Variants in SEH1L observed in about 807,000 individuals in gnomAD.
The protein encoded by SEH1L is nucleoporin SEH1.
A neutral mutation model predicts 49.5 loss-of-function variants in SEH1L; 18 were observed. The ratio of observed to expected loss-of-function variants is 0.36; its 90% CI spans 0.25 to 0.54. SEH1L has a LOEUF of 0.54. Among genes scored for constraint, SEH1L ranks in the 20% least tolerant of loss-of-function variants. SEH1L has a pLI of 0.87. For synonymous variants in SEH1L, 169 were observed against 178.1 expected, an observed-to-expected ratio of 0.95 and a Z score of 0.41; for missense variants, 404 against 528.8, an observed-to-expected ratio of 0.76 and a Z score of 2.31.
At chr18:12,957,101 T>C (rs2030910282) in intron 3 of SEH1L, among the ~76,000 whole-genome samples, 1 of 151,678 alleles carries the variant, frequency 6.6e-6, no homozygotes, top group Non-Finnish European at 1.5e-5. Context: ...ATTGTTTCTT[T>C]TGTTTTGTGG....
At chr18:12,957,203 A>C (rs1276217942) in intron 3 of SEH1L, among the ~76,000 whole-genome samples, 2 of 152,248 alleles carry the variant, frequency 1.3e-5, no homozygotes, top group African/African-American at 4.8e-5. Context: ...CAAAATGGAC[A>C]GATCACCTGA....
In SEH1L at chr18:12,951,842, T is replaced by C. The variant is rs781026373; in HGVS notation, c.112-13T>C. The C allele has an allele frequency of 6.5e-7, 1 of 1,533,370 alleles. No homozygotes were observed. The highest frequency in any genetic ancestry group is 8.9e-7 in the Non-Finnish European group (1 of 1,120,528). The allele number at this position is 1,533,370 out of a possible 1,614,324, so 95.0% of individuals were successfully genotyped here. On this transcript the variant is annotated splice_polypyrimidine_tract_variant and intron_variant, in intron 1 of 8. Transcript: ENST00000399892. Reference sequence around the variant, plus strand: ...ATTTTTGTATAAAATATCTGCCTTTTATTTTCTTATAGGTCTGGGATAAAA... The same window carrying C: ...ATTTTTGTATAAAATATCTGCCTTTCATTTTCTTATAGGTCTGGGATAAAA...
At chr18:12,962,454 C>CTTTT (rs2031223460) in intron 3 of SEH1L, among the ~76,000 whole-genome samples, 2 of 118,354 alleles carry the variant, frequency 1.7e-5, no homozygotes, top group East Asian at 3.2e-4. Context: ...AAATTGCATG[C>CTTTT]CTTTCTTTTT....
chr18:12,953,230 A>G (rs1410433442), intron 2 of SEH1L, among the ~76,000 whole-genome samples: 2 of 152,138 alleles, frequency 1.3e-5, no homozygotes, highest in Non-Finnish European at 2.9e-5. Context: ...AGTCCGTTGT[A>G]TGTATATTGC....
intron 3 of SEH1L, among the ~76,000 whole-genome samples, chr18:12,962,588 C>G (rs947911323): frequency 2.0e-5 from 3 of 149,824 alleles, no homozygotes; most frequent in Non-Finnish European, 3.0e-5. Flanking sequence ...CCGCCTCAGC[C>G]TCCGGAATAG....
At chr18:12,968,567 AC>A (rs2031551963) in intron 4 of SEH1L, among the ~76,000 whole-genome samples, 1 of 152,088 alleles carries the variant, frequency 6.6e-6, no homozygotes, top group African/African-American at 2.4e-5. Flanking sequence ...GGAATTTTCT[AC>A]TTACTGATGG....
rs1266255503 is a variant in SEH1L at position 12,969,382 on chromosome 18, C to T, written c.522-1771C>T. On this transcript the variant is annotated intron_variant, in intron 4 of 8. Transcript: ENST00000399892. ...CAGCCTGGGCAACATAGTGAGACTC[C>T]AGTCTCAATTAAAAAAAAAAATCTT... Among the ~76,000 whole-genome samples the T allele has an allele frequency of 2.0e-5, 3 of 151,468 alleles. No individual in the cohort carries two copies. The East Asian group carries it at 5.9e-4, about 30-fold the overall frequency.
At chr18:12,957,388 A>G (rs1398732459) in intron 3 of SEH1L, among the ~76,000 whole-genome samples, 5 of 152,016 alleles carry the variant, frequency 3.3e-5, no homozygotes, top group Admixed American at 6.6e-5. Flanking sequence ...AGATCGTGCC[A>G]TTGCACTCCA....
chr18:12,982,009 G>A (rs1022850344), intron 6 of SEH1L, among the ~76,000 whole-genome samples: 5 of 151,662 alleles, frequency 3.3e-5, no homozygotes, highest in African/African-American at 7.3e-5. Context: ...ACAGGCGCCC[G>A]CCACCATGCC....
chr18:12,982,872 G>A, intron 7 of SEH1L, 197 bp downstream of exon 7: 1 of 455,350 alleles, frequency 2.2e-6, no homozygotes, highest in South Asian at 3.6e-5. Flanking sequence ...AAGTTATGTG[G>A]AACAGAGCAG....
intron 1 of SEH1L, among the ~76,000 whole-genome samples, chr18:12,950,097 G>A (rs1222375515): frequency 6.7e-6 from 1 of 148,594 alleles, no homozygotes; most frequent in Non-Finnish European, 1.5e-5. Context: ...GCAGTGGTGC[G>A]ATCTTGGCTT....
Position 12,960,010 on chromosome 18 carries a change from C to T in SEH1L, c.310-3150C>T, listed in dbSNP as rs549419362. Among the ~76,000 whole-genome samples the T allele has an allele frequency of 9.2e-4, 140 of 152,244 alleles. 1 individual carries two copies. Among genetic ancestry groups the T allele is most frequent in the Admixed American group, 3.5e-3 (54 of 15,268 alleles). On this transcript the variant is annotated intron_variant, in intron 3 of 8. Transcript: ENST00000399892. Reference sequence around the variant, plus strand: ...GAAGCATTGGGTAGATTTTATGTGACTAGATCTAGTAAGGGAGGGGGAGTT... The same window carrying T: ...GAAGCATTGGGTAGATTTTATGTGATTAGATCTAGTAAGGGAGGGGGAGTT...
intron 4 of SEH1L, among the ~76,000 whole-genome samples, chr18:12,967,212 A>G (rs182058597): frequency 2.3e-4 from 35 of 152,318 alleles, no homozygotes; most frequent in African/African-American, 8.2e-4. Context: ...CAAGTCTCTC[A>G]CTACATTTTT....
chr18:12,967,839 C>T (rs777109525), intron 4 of SEH1L, among the ~76,000 whole-genome samples: 3 of 151,526 alleles, frequency 2.0e-5, no homozygotes, highest in Admixed American at 6.6e-5. Context: ...GCTTGAACTT[C>T]GGAGATGAAG....
chr18:12,974,425 A>C (rs1598968038), intron 5 of SEH1L: 1 of 151,862 alleles, frequency 6.6e-6, no homozygotes, highest in African/African-American at 2.4e-5. Context: ...GACTACAGGC[A>C]CCCGCCACCA....
chr18:12,987,074 T>C lies in SEH1L; in HGVS notation c.*17T>C, dbSNP rs753237063. The C allele has an allele frequency of 6.5e-6, 10 of 1,528,438 alleles. No individual in the cohort carries two copies. The South Asian group carries it at 1.0e-4, about 16-fold the overall frequency. 94.7% of individuals were successfully genotyped at this position (1,528,438 alleles called of 1,614,324 possible). Reference sequence around the variant, plus strand: ...GGGATTTAAAACACTGATTTAACATTGAAAGGCCTTATTCAAGTGCTTGTA... The same window carrying C: ...GGGATTTAAAACACTGATTTAACATCGAAAGGCCTTATTCAAGTGCTTGTA... On this transcript the variant is annotated 3_prime_UTR_variant, in exon 9 of 9. Transcript: ENST00000399892.
At chr18:12,971,051 C>T in intron 4 of SEH1L, 102 bp from the exon 5 acceptor site, 1 of 768,902 alleles carries the variant, frequency 1.3e-6, no homozygotes, top group Non-Finnish European at 2.3e-6. Flanking sequence ...GTGTGACAGG[C>T]TAACTGTAAG....
At chr18:12,972,353 A>G (rs1598965770) in intron 5 of SEH1L, 2 of 152,136 alleles carry the variant, frequency 1.3e-5, no homozygotes, top group East Asian at 3.9e-4. Flanking sequence ...GAGATAAGGA[A>G]CTCTGGGAAC....
intron 5 of SEH1L, chr18:12,977,946 A>G (rs72636758): frequency 0.11 from 16,281 of 152,258 alleles, 997 homozygotes; most frequent in East Asian, 0.23. Flanking sequence ...CTCCCACCTC[A>G]GCCTCCTGAG....
Sources: gnomAD v4.1 joint callset for allele counts (sites outside exome capture counted in the v4.1 genomes callset) on GRCh38, gnomAD v4.1.1 for gene constraint, MANE v1.5 for transcripts, NCBI Gene and HGNC (gene_info 2026-07-23, HGNC 2026-07-21) for gene names.